Variants in LIPK observed in about 807,000 individuals in gnomAD.
LIPK encodes the protein lipase member K.
A neutral mutation model predicts 48.6 loss-of-function variants in LIPK; 32 were observed. The observed-to-expected ratio is 0.66, with a 90% confidence interval of 0.50 to 0.88. The LOEUF is 0.88. LIPK is among the 40% of genes least tolerant of loss of function. LIPK has a pLI of 0.00. For synonymous variants in LIPK, 164 were observed against 157.4 expected (o/e 1.04, Z -0.32); for missense variants, 507 against 478.5 (o/e 1.06, Z -0.56).
chr10:88,743,938 A>C (rs1185490288), intron 9 of LIPK, among the ~76,000 whole-genome samples: 1 of 152,198 alleles, frequency 6.6e-6, no homozygotes, highest in African/African-American at 2.4e-5. Context: ...GGGAGTTGGC[A>C]GGGACAGGAC....
chr10:88,730,934 G>T, intron 3 of LIPK, 49 bp from the exon 4 acceptor site: 2 of 1,433,888 alleles, frequency 1.4e-6, no homozygotes, highest in South Asian at 2.8e-5. Context: ...TTTTCTTGTA[G>T]ACACTGAGAA....
At chr10:88,730,234 T>C (rs879843314) in intron 3 of LIPK, among the ~76,000 whole-genome samples, 3 of 152,234 alleles carry the variant, frequency 2.0e-5, no homozygotes, top group Non-Finnish European at 4.4e-5. Context: ...GCTATTAATA[T>C]AAGTAACAGT....
At chr10:88,726,307 C>T (rs947015346) in intron 2 of LIPK, among the ~76,000 whole-genome samples, 9 of 152,204 alleles carry the variant, frequency 5.9e-5, no homozygotes, top group Non-Finnish European at 8.8e-5. Flanking sequence ...TTATGTAACT[C>T]CTAGAAATCC....
intron 3 of LIPK, chr10:88,728,859 AG>A (rs1214402879): frequency 1.1e-5 from 2 of 176,312 alleles, no homozygotes; most frequent in African/African-American, 4.8e-5. Flanking sequence ...GTTGTGAAGA[AG>A]ATTGACCCCT....
chr10:88,720,075 C>T (rs758791492), intron 1 of LIPK, among the ~76,000 whole-genome samples: 1 of 152,024 alleles, frequency 6.6e-6, no homozygotes, highest in Non-Finnish European at 1.5e-5. Flanking sequence ...AGGGAGCGGA[C>T]AAAAAGCAAC....
At chr10:88,750,080 G>T (rs544824733) in intron 9 of LIPK, among the ~76,000 whole-genome samples, 2 of 152,268 alleles carry the variant, frequency 1.3e-5, no homozygotes, top group South Asian at 2.1e-4. Flanking sequence ...AATCATTAGA[G>T]AAATGAAAAT....
At chr10:88,734,013 A>C (rs1385269962) in intron 6 of LIPK, among the ~76,000 whole-genome samples, 2 of 152,222 alleles carry the variant, frequency 1.3e-5, no homozygotes, top group Non-Finnish European at 2.9e-5. Flanking sequence ...AAGGGAGGCC[A>C]TTGAAGAATA....
chr10:88,719,878 C>A (rs1305785783), intron 1 of LIPK, among the ~76,000 whole-genome samples: 1 of 152,120 alleles, frequency 6.6e-6, no homozygotes, highest in Non-Finnish European at 1.5e-5. Context: ...AATTGCTATC[C>A]TTGATTTCAC....
intron 7 of LIPK, among the ~76,000 whole-genome samples, chr10:88,739,043 C>T (rs946952662): frequency 2.6e-5 from 4 of 152,186 alleles, no homozygotes; most frequent in African/African-American, 7.2e-5. Context: ...TGGAAAATAA[C>T]TCTTTTAATT....
At chr10:88,731,595 G>GA (rs1842469455) in intron 4 of LIPK, among the ~76,000 whole-genome samples, 1 of 152,252 alleles carries the variant, frequency 6.6e-6, no homozygotes. Context: ...TGGAGGTCAT[G>GA]AAAATCCTGT....
intron 6 of LIPK, among the ~76,000 whole-genome samples, chr10:88,733,968 T>C (rs1440354116): frequency 6.6e-6 from 1 of 152,206 alleles, no homozygotes; most frequent in Non-Finnish European, 1.5e-5. Context: ...GGAAGTGGTG[T>C]CATGTCTAGG....
intron 9 of LIPK, among the ~76,000 whole-genome samples, chr10:88,745,319 A>G (rs1754102966): frequency 1.3e-5 from 2 of 152,288 alleles, no homozygotes; most frequent in South Asian, 4.2e-4. Flanking sequence ...CATCCCCAAG[A>G]CACATAGTCA....
chr10:88,744,983 T>A (rs909481816), intron 9 of LIPK, among the ~76,000 whole-genome samples: 12 of 152,190 alleles, frequency 7.9e-5, no homozygotes, highest in African/African-American at 2.9e-4. Flanking sequence ...TTTCATAATA[T>A]AACCAGAAGT....
chr10:88,729,592 T>A (rs1447375103), intron 3 of LIPK, among the ~76,000 whole-genome samples: 2 of 152,178 alleles, frequency 1.3e-5, no homozygotes, highest in African/African-American at 4.8e-5. Flanking sequence ...AGCTGTACAA[T>A]GAGAAACTCT....
chr10:88,728,067 C>A, intron 3 of LIPK: 1 of 332,632 alleles, frequency 3.0e-6, no homozygotes, highest in South Asian at 3.0e-5. Flanking sequence ...AGGATGAGAT[C>A]AACAAGCATA....
intron 1 of LIPK, among the ~76,000 whole-genome samples, chr10:88,709,542 CT>C (rs1841991119): frequency 6.6e-6 from 1 of 151,954 alleles, no homozygotes; most frequent in Non-Finnish European, 1.5e-5. Context: ...ATTTTTGTTC[CT>C]GTTAGCTGGC....
intron 6 of LIPK, among the ~76,000 whole-genome samples, chr10:88,736,785 G>A (rs434028): frequency 0.22 from 33,030 of 151,916 alleles, 3,737 homozygotes; most frequent in East Asian, 0.36. Flanking sequence ...TTCCAAATAC[G>A]GAGTAAAGAT....
intron 2 of LIPK, among the ~76,000 whole-genome samples, chr10:88,726,331 C>CTCATAGGAAT (rs1842337406): frequency 6.6e-6 from 1 of 152,298 alleles, no homozygotes; most frequent in African/African-American, 2.4e-5. Context: ...TTAAATTATC[C>CTCATAGGAAT]TCATAGGAAT....
intron 9 of LIPK, among the ~76,000 whole-genome samples, chr10:88,747,044 C>T (rs902999430): frequency 6.6e-6 from 1 of 152,052 alleles, no homozygotes; most frequent in African/African-American, 2.4e-5. Context: ...GGAAGCATAA[C>T]ACCTCCAAAG....
Sources: allele counts gnomAD v4.1 joint callset (sites outside exome capture counted in the v4.1 genomes callset), GRCh38; gene constraint gnomAD v4.1.1; transcripts MANE v1.5; gene names NCBI Gene and HGNC (gene_info 2026-07-23, HGNC 2026-07-21).